ATG7: variants seen among roughly 807,000 people sequenced by gnomAD.
ATG7 encodes the protein ubiquitin-like modifier-activating enzyme ATG7.
In ATG7, 70 loss-of-function variants were observed where a neutral mutation model predicts 82.4. The ratio of observed to expected loss-of-function variants is 0.85; its 90% confidence interval spans 0.70 to 1.04. The LOEUF (loss-of-function observed/expected upper bound fraction) is 1.04. Among genes scored for constraint, ATG7 ranks in the 50% least tolerant of loss-of-function variants. The pLI, the probability that ATG7 is intolerant of heterozygous loss-of-function variation, is 0.00. For missense variants in ATG7, 792 were observed against 864.3 expected (o/e 0.92, Z 1.05); for synonymous variants, 287 against 313.0 (o/e 0.92, Z 0.88).
intron 19 of ATG7, among the ~76,000 whole-genome samples, chr3:11,414,918 T>C (rs1439241039): frequency 2.0e-5 from 3 of 152,230 alleles, no homozygotes; most frequent in Admixed American, 6.5e-5. Flanking sequence ...GATCGTGGCA[T>C]ATAATTCTTT....
chr3:11,375,576 C>G (rs1337839222), intron 18 of ATG7, among the ~76,000 whole-genome samples: 1 of 152,128 alleles, frequency 6.6e-6, no homozygotes, highest in Non-Finnish European at 1.5e-5. Context: ...CCCCTTGCCC[C>G]CAAGATGGAG....
chr3:11,367,823 A>T (rs1381279477), intron 18 of ATG7, among the ~76,000 whole-genome samples: 1 of 151,476 alleles, frequency 6.6e-6, no homozygotes, highest in African/African-American at 2.4e-5. Flanking sequence ...AGCAGGCAGC[A>T]GTAAGTATAA....
At chr3:11,388,447 T>G (rs1575962160) in intron 19 of ATG7, among the ~76,000 whole-genome samples, 3 of 151,582 alleles carry the variant, frequency 2.0e-5, no homozygotes, top group Admixed American at 2.0e-4. Flanking sequence ...TTTTTTTTTT[T>G]TTAAGGAGTC....
intron 19 of ATG7, among the ~76,000 whole-genome samples, chr3:11,389,183 A>T (rs1169055525): frequency 7.2e-6 from 1 of 138,866 alleles, no homozygotes; most frequent in East Asian, 2.4e-4. Context: ...CAGTGAGTCG[A>T]GATGGTGCCA....
At chr3:11,428,421 C>A (rs1490598394) in intron 20 of ATG7, among the ~76,000 whole-genome samples, 1 of 152,156 alleles carries the variant, frequency 6.6e-6, no homozygotes, top group Non-Finnish European at 1.5e-5. Context: ...ACCAGGGAGG[C>A]AAGATAGTAC....
At chr3:11,450,774 T>C (rs1039797672) in intron 20 of ATG7, among the ~76,000 whole-genome samples, 2 of 152,226 alleles carry the variant, frequency 1.3e-5, no homozygotes, top group Non-Finnish European at 2.9e-5. Flanking sequence ...TAGAGTGATA[T>C]AGGTTCTAGC....
chr3:11,353,517 C>T (rs1275149228), intron 14 of ATG7, among the ~76,000 whole-genome samples: 1 of 152,124 alleles, frequency 6.6e-6, no homozygotes. Flanking sequence ...GATGTTTGTC[C>T]TCTCCAAATC....
chr3:11,291,605 G>T (rs1499119), intron 3 of ATG7, among the ~76,000 whole-genome samples: 24,248 of 152,118 alleles, frequency 0.16, 2,810 homozygotes, highest in South Asian at 0.35. Context: ...TTAGTGTAGT[G>T]CTTGGTACAG....
chr3:11,378,825 C>A (rs1001512473), intron 18 of ATG7, among the ~76,000 whole-genome samples: 1 of 151,346 alleles, frequency 6.6e-6, no homozygotes, highest in Non-Finnish European at 1.5e-5. Flanking sequence ...TCAAAAGAAG[C>A]CTTTTTCTTT....
intron 20 of ATG7, among the ~76,000 whole-genome samples, chr3:11,536,773 T>C (rs928065486): frequency 6.6e-6 from 1 of 152,176 alleles, no homozygotes; most frequent in African/African-American, 2.4e-5. Context: ...TGGGTCCAGC[T>C]CAGCTGGTGA....
At chr3:11,530,717 G>T (rs2092679526) in intron 20 of ATG7, among the ~76,000 whole-genome samples, 1 of 151,986 alleles carries the variant, frequency 6.6e-6, no homozygotes, top group Non-Finnish European at 1.5e-5. Flanking sequence ...AATGAAGCCT[G>T]AGCCTGTAAT....
At chr3:11,385,471 C>G (rs1397125658) in intron 19 of ATG7, among the ~76,000 whole-genome samples, 1 of 152,192 alleles carries the variant, frequency 6.6e-6, no homozygotes, top group Non-Finnish European at 1.5e-5. Flanking sequence ...TCATTTAATT[C>G]AACTGACATT....
At chr3:11,410,594 T>C (rs1402857928) in intron 19 of ATG7, among the ~76,000 whole-genome samples, 1 of 152,162 alleles carries the variant, frequency 6.6e-6, no homozygotes, top group Admixed American at 6.5e-5. Context: ...AACTCCCCAT[T>C]TTCTTCTCTC....
intron 18 of ATG7, among the ~76,000 whole-genome samples, chr3:11,378,175 G>A (rs866278592): frequency 2.0e-5 from 3 of 150,218 alleles, no homozygotes; most frequent in African/African-American, 4.9e-5. Flanking sequence ...CACCACACCC[G>A]GCTAATTATT....
At chr3:11,335,919 G>A (rs1039621119) in intron 11 of ATG7, among the ~76,000 whole-genome samples, 6 of 151,662 alleles carry the variant, frequency 4.0e-5, no homozygotes, top group African/African-American at 1.2e-4. Context: ...GGCTGGTCTC[G>A]AACCCCTAAT....
chr3:11,359,401 A>T (rs1252775965), intron 15 of ATG7, among the ~76,000 whole-genome samples: 1 of 152,156 alleles, frequency 6.6e-6, no homozygotes, highest in Non-Finnish European at 1.5e-5. Flanking sequence ...ATAATGAAAA[A>T]ACGGTTTCTT....
rs779332047 is a variant in ATG7 at position 11,429,495 on chromosome 3, C to CA, written c.2079+2579dup. Among the ~76,000 whole-genome samples the CA allele has an allele frequency of 1.6e-3, 236 of 146,924 alleles. 1 individual carries two copies. Among genetic ancestry groups the CA allele is most frequent in the African/African-American group, 5.1e-3 (203 of 40,008 alleles). ...TGGGCGACAGAGCGAGACTCCATCTCAAAAAAAAAATCACAAGAGGGTCTG... is the reference window on the plus strand; with the variant it reads ...TGGGCGACAGAGCGAGACTCCATCTCAAAAAAAAAAATCACAAGAGGGTCTG... On this transcript the variant is annotated intron_variant, in intron 20 of 20. Transcript: ENST00000693202.
chr3:11,533,848 G>C (rs1171667140), intron 20 of ATG7, among the ~76,000 whole-genome samples: 8 of 152,066 alleles, frequency 5.3e-5, no homozygotes, highest in Admixed American at 3.9e-4. Flanking sequence ...TATAAAATGG[G>C]CTTTAAAAAT....
At chr3:11,393,137 T>G (rs2078953300) in intron 19 of ATG7, among the ~76,000 whole-genome samples, 1 of 152,170 alleles carries the variant, frequency 6.6e-6, no homozygotes, top group African/African-American at 2.4e-5. Context: ...CAGAAAGTGT[T>G]AGGCTGCCTG....
Sources: allele counts gnomAD v4.1 joint callset (sites outside exome capture counted in the v4.1 genomes callset), GRCh38; gene constraint gnomAD v4.1.1; transcripts MANE v1.5; gene names NCBI Gene and HGNC (gene_info 2026-07-23, HGNC 2026-07-21).